PTPN4: variants seen among roughly 807,000 people sequenced by gnomAD.
PTPN4 encodes the protein tyrosine-protein phosphatase non-receptor type 4.
In PTPN4, 49 loss-of-function variants were observed where a neutral mutation model predicts 135.5. The ratio of observed to expected loss-of-function variants is 0.36; its 90% CI spans 0.29 to 0.46. The LOEUF is 0.46. PTPN4 is among the 20% of genes least tolerant of loss of function. The pLI is 1.00. For missense variants in PTPN4, 860 were observed against 1,101.0 expected, an observed-to-expected ratio of 0.78 and a Z score of 3.10; for synonymous variants, 333 against 369.9, an observed-to-expected ratio of 0.90 and a Z score of 1.14.
At chr2:119,784,167 A>G (rs1366187448) in intron 1 of PTPN4, among the ~76,000 whole-genome samples, 1 of 152,094 alleles carries the variant, frequency 6.6e-6, no homozygotes, top group Non-Finnish European at 1.5e-5. Flanking sequence ...CTTAGAAGTC[A>G]TATAGCATCA....
intron 1 of PTPN4, among the ~76,000 whole-genome samples, chr2:119,791,954 C>G (rs1691157273): frequency 6.6e-6 from 1 of 152,044 alleles, no homozygotes; most frequent in Non-Finnish European, 1.5e-5. Flanking sequence ...TCTTTGAGGT[C>G]TCAGGCTCTG....
intron 2 of PTPN4, among the ~76,000 whole-genome samples, chr2:119,857,401 G>A (rs913924850): frequency 6.6e-5 from 10 of 151,854 alleles, no homozygotes; most frequent in African/African-American, 9.7e-5. Context: ...AGGCTTGGTC[G>A]CGTGTGCCTG....
intron 2 of PTPN4, among the ~76,000 whole-genome samples, chr2:119,844,726 A>G (rs1254480917): frequency 1.2e-4 from 18 of 144,830 alleles, no homozygotes; most frequent in African/African-American, 4.4e-4. Flanking sequence ...CTCACTTCCT[A>G]GATGGGATGG....
intron 2 of PTPN4, among the ~76,000 whole-genome samples, chr2:119,811,180 G>A (rs896203684): frequency 1.3e-5 from 2 of 152,018 alleles, no homozygotes; most frequent in African/African-American, 4.8e-5. Context: ...GTATACCTAG[G>A]TATCAAACCT....
chr2:119,937,797 G>A (rs1019373810), intron 15 of PTPN4, among the ~76,000 whole-genome samples: 12 of 152,006 alleles, frequency 7.9e-5, no homozygotes, highest in Non-Finnish European at 1.8e-4. Context: ...CAAGTGTGGT[G>A]GTGTGCACCT....
chr2:119,858,021 G>A (rs557117353), intron 2 of PTPN4, among the ~76,000 whole-genome samples: 1 of 152,216 alleles, frequency 6.6e-6, no homozygotes, highest in South Asian at 2.1e-4. Flanking sequence ...GTTGATTCTG[G>A]GACCTCCCAC....
chr2:119,836,535 G>T (rs904602108), intron 2 of PTPN4, among the ~76,000 whole-genome samples: 5 of 152,218 alleles, frequency 3.3e-5, no homozygotes, highest in African/African-American at 1.2e-4. Flanking sequence ...TGCACTCCAC[G>T]GAGCCTGCGG....
chr2:119,768,879 C>T (rs574125502), intron 1 of PTPN4, among the ~76,000 whole-genome samples: 1 of 152,136 alleles, frequency 6.6e-6, no homozygotes, highest in Non-Finnish European at 1.5e-5. Context: ...AGCTGAAATT[C>T]AAAAAGGTCT....
In PTPN4 at chr2:119,967,858, G is replaced by C. The variant is rs1435995752; in HGVS notation, c.2580G>C (p.Gly860=). The change falls in exon 26 of 27, where the codon GGG becomes GGC. Residue 860 remains glycine (G), a synonymous_variant. Transcript: ENST00000263708. ...VHCSAGIGRT[G]VLITMETAMC... ...TTAGTGCTGGAATCGGAAGAACTGGGGTTCTTATTACTATGGAAACAGCCA... is the reference window on the plus strand; with the variant it reads ...TTAGTGCTGGAATCGGAAGAACTGGCGTTCTTATTACTATGGAAACAGCCA... 2 of 1,605,968 alleles carry C rather than the reference G, an allele frequency of 1.2e-6. No homozygotes were observed. The highest frequency in any genetic ancestry group is 2.7e-5 in the African/African-American group (2 of 74,676).
chr2:119,967,740 T>C, intron 25 of PTPN4, 97 bp from the exon 26 acceptor site: 6 of 974,110 alleles, frequency 6.2e-6, no homozygotes, highest in Non-Finnish European at 8.6e-6. Context: ...AAAATGATAT[T>C]GTTCTTCTGT....
intron 20 of PTPN4, among the ~76,000 whole-genome samples, chr2:119,955,948 A>T (rs1049170022): frequency 2.5e-4 from 4 of 16,224 alleles, no homozygotes; most frequent in Non-Finnish European, 5.5e-4. Context: ...AAAAAATAAT[A>T]AATAAATAAA....
At chr2:119,971,185 G>A (rs1679528204) in intron 26 of PTPN4, among the ~76,000 whole-genome samples, 1 of 152,176 alleles carries the variant, frequency 6.6e-6, no homozygotes, top group African/African-American at 2.4e-5. Context: ...CAATCATGGT[G>A]GAAGGCAAAG....
At chr2:119,866,202 TGCTA>T (rs1677832719) in intron 3 of PTPN4, among the ~76,000 whole-genome samples, 1 of 152,132 alleles carries the variant, frequency 6.6e-6, no homozygotes, top group Non-Finnish European at 1.5e-5. Flanking sequence ...TTTATCAGCA[TGCTA>T]TTTAACAGAG....
chr2:119,956,949 G>A lies in PTPN4; in HGVS notation c.2071+15G>A. On this transcript the variant is annotated intron_variant, in intron 21 of 26. Coordinates refer to ENST00000263708, the MANE Select transcript of PTPN4 (RefSeq NM_002830.4). ...TATTTCGCCTTGTAAGTATCTTATTGTCTCTGTTAAATTTAATCTTTTAAA... is the reference window on the plus strand; with the variant it reads ...TATTTCGCCTTGTAAGTATCTTATTATCTCTGTTAAATTTAATCTTTTAAA... 1 of 1,601,980 alleles carries A rather than the reference G, an allele frequency of 6.2e-7. No homozygotes were observed. The highest frequency in any genetic ancestry group is 8.5e-7 in the Non-Finnish European group (1 of 1,177,130).
intron 2 of PTPN4, among the ~76,000 whole-genome samples, chr2:119,852,040 G>C (rs1677599779): frequency 6.6e-6 from 1 of 152,188 alleles, no homozygotes; most frequent in African/African-American, 2.4e-5. Context: ...TTTCATCCAA[G>C]TTCTCAAATT....
At position 119,877,537 on chromosome 2, in the gene PTPN4, T is replaced by C; in HGVS notation, c.363T>C (p.Tyr121=). 1 of 1,604,024 alleles carries C rather than the reference T, an allele frequency of 6.2e-7. No individual in the cohort carries two copies. Among genetic ancestry groups the C allele is most frequent in the Non-Finnish European group, 8.5e-7 (1 of 1,176,990 alleles). Residue 121 remains tyrosine, a synonymous_variant, in exon 5 of 27, where the codon TAT becomes TAC. Transcript: ENST00000263708. ...VSDPNKLQEE[Y]TRYQYFLQIK... ...ACCCCAACAAGTTACAAGAAGAATA[T>C]ACAAGGTGGGTTTATGGATATATTT...
chr2:119,813,096 T>C (rs1676926399), intron 2 of PTPN4, among the ~76,000 whole-genome samples: 1 of 152,142 alleles, frequency 6.6e-6, no homozygotes, highest in Non-Finnish European at 1.5e-5. Flanking sequence ...GTATCAGTCC[T>C]CGGCTGGAAG....
chr2:119,832,266 A>G (rs1677230448), intron 2 of PTPN4, among the ~76,000 whole-genome samples: 1 of 152,174 alleles, frequency 6.6e-6, no homozygotes. Flanking sequence ...TAGCTCAGTA[A>G]CAGACTAAAA....
intron 3 of PTPN4, among the ~76,000 whole-genome samples, chr2:119,865,619 A>G (rs750068043): frequency 3.9e-5 from 6 of 152,030 alleles, no homozygotes; most frequent in Non-Finnish European, 8.8e-5. Flanking sequence ...GAGAGGAGGT[A>G]ACCATATAAT....
Sources: gnomAD v4.1 joint callset for allele counts (sites outside exome capture counted in the v4.1 genomes callset) on GRCh38, gnomAD v4.1.1 for gene constraint, MANE v1.5 for transcripts, NCBI Gene and HGNC (gene_info 2026-07-23, HGNC 2026-07-21) for gene names.